NMNAT2: variants seen among roughly 807,000 people sequenced by gnomAD.
NMNAT2 encodes the protein nicotinamide/nicotinic acid mononucleotide adenylyltransferase 2.
A neutral mutation model predicts 41.6 loss-of-function variants in NMNAT2; 11 were observed. The ratio of observed to expected loss-of-function variants is 0.26; its 90% CI spans 0.17 to 0.44. The LOEUF is 0.44. Ranked by LOEUF, NMNAT2 falls within the 20% of genes least tolerant of loss-of-function variation. NMNAT2 has a pLI of 1.00. For synonymous variants in NMNAT2, 148 were observed against 151.2 expected, an observed-to-expected ratio of 0.98 and a Z score of 0.16; for missense variants, 288 against 407.7, an observed-to-expected ratio of 0.71 and a Z score of 2.53.
chr1:183,342,081 C>T (rs1423974306), intron 1 of NMNAT2, among the ~76,000 whole-genome samples: 3 of 150,068 alleles, frequency 2.0e-5, no homozygotes, highest in South Asian at 2.1e-4. Flanking sequence ...CCCACTGCCC[C>T]TGCTGAGGCC....
At position 183,360,243 on chromosome 1, in the gene NMNAT2, A is replaced by G. The variant is rs143935485; in HGVS notation, c.85+57940T>C. 3.9e-4 allele frequency among the ~76,000 whole-genome samples: 59 copies of G among 152,294 alleles called. 2 individuals carry two copies. In the East Asian group the frequency reaches 0.011, roughly 27 times the overall value. On this transcript the variant is annotated intron_variant, in intron 1 of 10. Transcript: ENST00000287713. ...ACAGAGGAAATATGAAGCCCAATTC[A>G]TAGATGAGGAAGCCAGATTTCAGCC...
intron 1 of NMNAT2, among the ~76,000 whole-genome samples, chr1:183,337,684 G>T (rs1662705756): frequency 1.3e-5 from 2 of 151,838 alleles, no homozygotes; most frequent in Admixed American, 6.6e-5. Flanking sequence ...CAAGGATTCA[G>T]CCGAAGCTTC....
intron 8 of NMNAT2, among the ~76,000 whole-genome samples, chr1:183,266,290 C>T (rs1413085909): frequency 2.6e-5 from 4 of 152,124 alleles, no homozygotes; most frequent in Non-Finnish European, 1.5e-5. Flanking sequence ...TTAGTCTATT[C>T]CCAATAGCCA....
rs193079013 is a variant in NMNAT2, at chr1:183,370,090, C to T, written c.85+48093G>A. Among the ~76,000 whole-genome samples, 6 of 152,200 alleles carry T rather than the reference C, an allele frequency of 3.9e-5. No individual in the cohort carries two copies. In the South Asian group the frequency reaches 6.2e-4, roughly 16 times the overall value. ...CTCCTGCATTCCCAACACACGGCTG[C>T]AACCTGATCAGAAGCAGAAGGGTGG... On this transcript the variant is annotated intron_variant, in intron 1 of 10. Coordinates refer to ENST00000287713, the MANE Select transcript of NMNAT2 (RefSeq NM_015039.4).
intron 10 of NMNAT2, among the ~76,000 whole-genome samples, 183 bp downstream of exon 10, chr1:183,260,819 C>CAAAAA (rs35660466): frequency 2.7e-5 from 2 of 74,990 alleles, no homozygotes; most frequent in Non-Finnish European, 2.5e-5. Context: ...GACGCTGTCT[C>CAAAAA]AAAAAAAAAA....
intron 8 of NMNAT2, among the ~76,000 whole-genome samples, chr1:183,265,804 A>G (rs1221370646): frequency 6.6e-6 from 1 of 152,212 alleles, no homozygotes; most frequent in Non-Finnish European, 1.5e-5. Flanking sequence ...GGAACCTGTG[A>G]ATATGGCAAA....
At chr1:183,319,206 C>T (rs1357528056) in intron 1 of NMNAT2, among the ~76,000 whole-genome samples, 6 of 152,158 alleles carry the variant, frequency 3.9e-5, no homozygotes, top group Non-Finnish European at 8.8e-5. Flanking sequence ...AAATCTGCTC[C>T]GGTTACTTCC....
rs551483149 is a variant in NMNAT2, at chr1:183,353,099, C to T, written c.86-59306G>A. Among the ~76,000 whole-genome samples, 31 of 152,226 alleles carry T rather than the reference C, an allele frequency of 2.0e-4. No homozygotes were observed. The South Asian group carries it at 3.3e-3, about 16-fold the overall frequency. On this transcript the variant is annotated intron_variant, in intron 1 of 10. Coordinates refer to ENST00000287713, the MANE Select transcript of NMNAT2 (RefSeq NM_015039.4). ...TTGGCTCACTGCAACCTCTGCCCTC[C>T]GAGTTCAAGTGATTCTCCTGCCTTA...
At chr1:183,388,794 C>T (rs564575743) in intron 1 of NMNAT2, among the ~76,000 whole-genome samples, 10 of 152,292 alleles carry the variant, frequency 6.6e-5, no homozygotes, top group African/African-American at 2.4e-4. Context: ...TCTTGTTTAT[C>T]GATGTATTTC....
intron 1 of NMNAT2, among the ~76,000 whole-genome samples, chr1:183,336,894 T>C: frequency 6.6e-6 from 1 of 152,220 alleles, no homozygotes; most frequent in Non-Finnish European, 1.5e-5. Flanking sequence ...GGATACAATC[T>C]ACTACTTGCA....
At chr1:183,285,799 A>G (rs979183709) in intron 5 of NMNAT2, among the ~76,000 whole-genome samples, 3 of 152,202 alleles carry the variant, frequency 2.0e-5, no homozygotes, top group Non-Finnish European at 4.4e-5. Flanking sequence ...TGTCTATATC[A>G]CAGTATTACT....
chr1:183,323,730 TC>T (rs949953635), intron 1 of NMNAT2, among the ~76,000 whole-genome samples: 2 of 151,612 alleles, frequency 1.3e-5, no homozygotes, highest in East Asian at 1.9e-4. Flanking sequence ...CTTACAACCT[TC>T]CCCCCAGCTT....
At chr1:183,409,439 C>T (rs187644836) in intron 1 of NMNAT2, among the ~76,000 whole-genome samples, 123 of 152,238 alleles carry the variant, frequency 8.1e-4, no homozygotes, top group African/African-American at 2.8e-3. Context: ...ACCTCAGCCT[C>T]CAGAGTAGCT....
chr1:183,293,521 C>A (rs1366894175), intron 2 of NMNAT2, among the ~76,000 whole-genome samples, 184 bp downstream of exon 2: 1 of 152,238 alleles, frequency 6.6e-6, no homozygotes, highest in Non-Finnish European at 1.5e-5. Flanking sequence ...GCTTCAACGC[C>A]CATCCACTCA....
chr1:183,344,881 C>A (rs1307497328), intron 1 of NMNAT2, among the ~76,000 whole-genome samples: 1 of 152,260 alleles, frequency 6.6e-6, no homozygotes, highest in South Asian at 2.1e-4. Context: ...TTAGATTGAG[C>A]ACAAACCAGT....
chr1:183,397,354 C>A (rs1236086015), intron 1 of NMNAT2, among the ~76,000 whole-genome samples: 1 of 151,892 alleles, frequency 6.6e-6, no homozygotes, highest in African/African-American at 2.4e-5. Flanking sequence ...GAGAAAAGAA[C>A]TTTAGAGAAA....
intron 1 of NMNAT2, among the ~76,000 whole-genome samples, chr1:183,386,545 T>C (rs1648253387): frequency 6.6e-6 from 1 of 152,108 alleles, no homozygotes; most frequent in African/African-American, 2.4e-5. Flanking sequence ...TTTGGAGAAA[T>C]AACCTCACAA....
intron 1 of NMNAT2, among the ~76,000 whole-genome samples, chr1:183,389,684 T>C (rs1648380222): frequency 6.8e-6 from 1 of 147,150 alleles, no homozygotes; most frequent in South Asian, 2.1e-4. Flanking sequence ...TGCAGTGAGC[T>C]GAGATCATGC....
intron 10 of NMNAT2, among the ~76,000 whole-genome samples, chr1:183,257,377 G>T (rs1236297830): frequency 6.6e-6 from 1 of 152,100 alleles, no homozygotes; most frequent in Non-Finnish European, 1.5e-5. Flanking sequence ...GGACGCGGAG[G>T]TTGCAGTGAG....
Sources: allele counts gnomAD v4.1 joint callset (sites outside exome capture counted in the v4.1 genomes callset), GRCh38; gene constraint gnomAD v4.1.1; transcripts MANE v1.5; gene names NCBI Gene and HGNC (gene_info 2026-07-23, HGNC 2026-07-21).